PCDHA4: variants seen among roughly 807,000 people sequenced by gnomAD.
The protein encoded by PCDHA4 is protocadherin alpha-4.
PCDHA4 carries 49 observed loss-of-function variants against 61.4 expected under a neutral mutation model. The ratio of observed to expected loss-of-function variants is 0.80; its 90% CI spans 0.63 to 1.01. The LOEUF (loss-of-function observed/expected upper bound fraction) is 1.01, where lower values mean the gene tolerates loss of function less well. PCDHA4 is among the 50% of genes least tolerant of loss of function. PCDHA4 has a pLI of 0.00. For synonymous variants in PCDHA4, 590 were observed against 550.3 expected, an observed-to-expected ratio of 1.07 and a Z score of -1.01; for missense variants, 1,254 against 1,235.8, an observed-to-expected ratio of 1.01 and a Z score of -0.22.
At position 140,857,927 on chromosome 5, in the gene PCDHA4, A is replaced by C. The variant is rs1554150876; in HGVS notation, c.2385+48355A>C. ...CATCCCGTTTCGCGTGGGGCTGTAC[A>C]CGGGCGAGATCAGTACGACGCGCGC... On this transcript the variant is annotated intron_variant, in intron 1 of 3. Transcript: ENST00000530339. The C allele has an allele frequency of 1.9e-6, 3 of 1,597,510 alleles. 1 individual carries two copies. Among genetic ancestry groups the C allele is most frequent in the Non-Finnish European group, 2.6e-6 (3 of 1,167,484 alleles).
chr5:140,827,449 C>A (rs1404981658), intron 1 of PCDHA4, among the ~76,000 whole-genome samples: 4 of 152,146 alleles, frequency 2.6e-5, no homozygotes, highest in African/African-American at 9.7e-5. Flanking sequence ...CACAGAAGAA[C>A]CTTAAGAGCA....
At chr5:140,983,642 G>A (rs954814692) in intron 3 of PCDHA4, among the ~76,000 whole-genome samples, 3 of 152,174 alleles carry the variant, frequency 2.0e-5, no homozygotes, top group African/African-American at 7.2e-5. Flanking sequence ...CCAAGTTCAC[G>A]TAGCTTGTAA....
chr5:140,914,944 CTTTTTT>C (rs35695909), intron 1 of PCDHA4, among the ~76,000 whole-genome samples: 1 of 128,266 alleles, frequency 7.8e-6, no homozygotes, highest in Non-Finnish European at 1.7e-5. Flanking sequence ...GAAAAGTTGT[CTTTTTT>C]TTTTTTTTTT....
chr5:140,927,357 C>A, intron 1 of PCDHA4: 1 of 1,614,052 alleles, frequency 6.2e-7, no homozygotes, highest in South Asian at 1.1e-5. Context: ...ACGAGGGAAG[C>A]AATGGGATAC....
chr5:140,841,949 T>C, intron 1 of PCDHA4: 1 of 1,613,920 alleles, frequency 6.2e-7, no homozygotes, highest in Non-Finnish European at 8.5e-7. Flanking sequence ...TGCGCACCAC[T>C]TATTCCTGAC....
At chr5:140,968,569 C>A in intron 1 of PCDHA4, 1 of 1,614,204 alleles carries the variant, frequency 6.2e-7, no homozygotes, top group Middle Eastern at 1.7e-4. Flanking sequence ...CCCCTGCTGG[C>A]TACCTGGTCA....
Position 141,010,422 on chromosome 5 carries a change from G to A in PCDHA4, c.*485G>A. The A allele has an allele frequency of 8.7e-7, 1 of 1,145,442 alleles. No homozygotes were observed. Among genetic ancestry groups the A allele is most frequent in the Non-Finnish European group, 1.2e-6 (1 of 836,490 alleles). The allele number at this position is 1,145,442 out of a possible 1,614,324, so 71.0% of individuals were successfully genotyped here. A position where few individuals can be genotyped will look rare whatever the true frequency, so the allele number is the denominator to read the frequency against. On this transcript the variant is annotated 3_prime_UTR_variant, in exon 4 of 4. Transcript: ENST00000530339. ...AGCTTAGACTAATTGGTACAAGGAA[G>A]GCAAGAAAACAAAGACAAATAAACA... is the stretch of plus-strand genomic sequence containing the variant.
chr5:140,952,832 G>A (rs560488815), intron 1 of PCDHA4, among the ~76,000 whole-genome samples: 1 of 152,226 alleles, frequency 6.6e-6, no homozygotes, highest in African/African-American at 2.4e-5. Context: ...GCATGATGCT[G>A]GCCATCTGCT....
intron 1 of PCDHA4, chr5:140,828,181 G>C (rs2150151926): frequency 6.2e-7 from 1 of 1,614,176 alleles, no homozygotes; most frequent in Non-Finnish European, 8.5e-7. Context: ...GGAGCGGCCA[G>C]CTCCACTACT....
rs201890234 is a variant in PCDHA4, at chr5:140,842,178, A to C, written c.2385+32606A>C. ...TCATATTCTTTTAATAGCCTTGTTG[A>C]AACTATGGTTATTGACCACTTTAGC... On this transcript the variant is annotated intron_variant, in intron 1 of 3. Transcript: ENST00000530339. 3.1e-4 allele frequency: 494 copies of C among 1,613,248 alleles called. 6 individuals are homozygous for C. Among genetic ancestry groups the C allele is most frequent in the African/African-American group, 2.3e-3 (170 of 74,856 alleles).
chr5:140,863,613 C>T, intron 1 of PCDHA4: 2 of 338,450 alleles, frequency 5.9e-6, no homozygotes, highest in South Asian at 4.9e-5. Flanking sequence ...TAATGTCCCT[C>T]ATAGTGACAT....
chr5:140,855,822 A>G (rs1409014183), intron 1 of PCDHA4: 5 of 538,132 alleles, frequency 9.3e-6, no homozygotes, highest in South Asian at 3.1e-5. Flanking sequence ...TTGTGAACTC[A>G]TGGAATCGTA....
chr5:140,999,673 T>G (rs2097868835), intron 3 of PCDHA4, among the ~76,000 whole-genome samples: 1 of 152,050 alleles, frequency 6.6e-6, no homozygotes, highest in Non-Finnish European at 1.5e-5. Context: ...TGCGGGGGGC[T>G]CACAGAAAGA....
chr5:140,966,816 G>A lies in PCDHA4; in HGVS notation c.2386-12133G>A, dbSNP rs1448171487. On this transcript the variant is annotated intron_variant, in intron 1 of 3. Transcript: ENST00000530339. ...GCGGCGACAGAGCATCCACGGCTCC[G>A]GCGGCCCATGCCCTGGCTGCTGCTA... 5.2e-6 allele frequency: 8 copies of A among 1,553,302 alleles called. No homozygotes were observed. The East Asian group carries it at 7.2e-5, about 14-fold the overall frequency.
chr5:140,836,375 C>G lies in PCDHA4; in HGVS notation c.2385+26803C>G, dbSNP rs2150258961. 15 of 1,613,594 alleles carry G rather than the reference C, an allele frequency of 9.3e-6. No individual in the cohort carries two copies. In the African/African-American group the frequency reaches 1.2e-4, roughly 13 times the overall value. Reference sequence around the variant, plus strand: ...AGCCCTCGCTGACAGCCACAGCCACCGTGCTGGTGTCGCTGGTGGAAAGCG... The same window carrying G: ...AGCCCTCGCTGACAGCCACAGCCACGGTGCTGGTGTCGCTGGTGGAAAGCG... On this transcript the variant is annotated intron_variant, in intron 1 of 3. Coordinates refer to ENST00000530339, the MANE Select transcript of PCDHA4 (RefSeq NM_018907.4).
chr5:140,867,527 T>C (rs1238140449), intron 1 of PCDHA4: 1 of 152,106 alleles, frequency 6.6e-6, no homozygotes, highest in Non-Finnish European at 1.5e-5. Context: ...TAGTTGAATA[T>C]ATATATAAAA....
chr5:140,817,869 A>G (rs1392490266), intron 1 of PCDHA4, among the ~76,000 whole-genome samples: 4 of 152,170 alleles, frequency 2.6e-5, no homozygotes, highest in African/African-American at 9.7e-5. Context: ...TTGGGTATTG[A>G]ATGAAAGTTA....
At chr5:140,848,803 G>A in intron 1 of PCDHA4, 3 of 1,592,286 alleles carry the variant, frequency 1.9e-6, no homozygotes, top group South Asian at 1.1e-5. Flanking sequence ...GCGGAGTGCA[G>A]CATCCACCTG....
rs571904104 is a variant in PCDHA4, at chr5:140,891,379, AT to A, written c.2385+81810del. On this transcript the variant is annotated intron_variant, in intron 1 of 3. Transcript: ENST00000530339. ...ACCTGAGCAGTATACATTGCACCATATTTGCAATCTTTTATCCCTCGCCACC... is the reference window on the plus strand; with the variant it reads ...ACCTGAGCAGTATACATTGCACCATATTGCAATCTTTTATCCCTCGCCACC... Among the ~76,000 whole-genome samples, 7 of 151,980 alleles carry A rather than the reference AT, an allele frequency of 4.6e-5. No individual in the cohort carries two copies. In the South Asian group the frequency reaches 1.5e-3, roughly 32 times the overall value.
Sources: gnomAD v4.1 joint callset for allele counts (sites outside exome capture counted in the v4.1 genomes callset) on GRCh38, gnomAD v4.1.1 for gene constraint, MANE v1.5 for transcripts, NCBI Gene and HGNC (gene_info 2026-07-23, HGNC 2026-07-21) for gene names.